The following EYS variants were observed in gnomAD, a reference collection of about 807,000 sequenced individuals.
EYS encodes protein eyes shut homolog.
A neutral mutation model predicts 282.1 loss-of-function variants in EYS; 250 were observed. The observed-to-expected ratio is 0.89, with a 90% CI of 0.80 to 0.98. The LOEUF (loss-of-function observed/expected upper bound fraction) is 0.98. EYS is among the 50% of genes least tolerant of loss of function. The pLI is 0.00. For missense variants in EYS, 4,016 were observed against 3,709.0 expected, an observed-to-expected ratio of 1.08 and a Z score of -2.15; for synonymous variants, 1,355 against 1,282.9, an observed-to-expected ratio of 1.06 and a Z score of -1.20.
chr6:65,037,342 A>C (rs1772800705), intron 13 of EYS, among the ~76,000 whole-genome samples: 1 of 151,752 alleles, frequency 6.6e-6, no homozygotes, highest in Non-Finnish European at 1.5e-5. Flanking sequence ...AAGGATCAAA[A>C]AACTACCTAT....
chr6:65,569,556 T>C (rs1290683435), intron 2 of EYS, among the ~76,000 whole-genome samples: 1 of 152,154 alleles, frequency 6.6e-6, no homozygotes, highest in Non-Finnish European at 1.5e-5. Flanking sequence ...ACCTCCTCAG[T>C]TGTTCCCAGG....
At chr6:63,747,898 A>G (rs1769249339) in intron 41 of EYS, among the ~76,000 whole-genome samples, 1 of 151,866 alleles carries the variant, frequency 6.6e-6, no homozygotes, top group African/African-American at 2.4e-5. Context: ...TTGACTCTTT[A>G]TCCAATTTGC....
At chr6:65,555,237 C>A (rs1240229635) in intron 2 of EYS, among the ~76,000 whole-genome samples, 1 of 152,018 alleles carries the variant, frequency 6.6e-6, no homozygotes, top group Non-Finnish European at 1.5e-5. Flanking sequence ...TAAACTAATT[C>A]ATTCTACTTT....
intron 8 of EYS, among the ~76,000 whole-genome samples, chr6:65,360,944 C>A (rs9453272): frequency 0.044 from 6,754 of 152,094 alleles, 479 homozygotes; most frequent in African/African-American, 0.15. Context: ...GAAATGCAAT[C>A]TTTTCCATAT....
chr6:64,788,589 T>C (rs893164362), intron 22 of EYS, among the ~76,000 whole-genome samples: 1 of 152,162 alleles, frequency 6.6e-6, no homozygotes, highest in Non-Finnish European at 1.5e-5. Context: ...GGGGTCTAAA[T>C]GCTTCTAACA....
At chr6:64,047,236 G>A (rs1770659075) in intron 33 of EYS, among the ~76,000 whole-genome samples, 1 of 151,984 alleles carries the variant, frequency 6.6e-6, no homozygotes, top group African/African-American at 2.4e-5. Flanking sequence ...TTTTGGTGAG[G>A]AGAAGTAATA....
At chr6:65,473,303 T>C (rs1217108914) in intron 5 of EYS, among the ~76,000 whole-genome samples, 1 of 151,886 alleles carries the variant, frequency 6.6e-6, no homozygotes, top group Non-Finnish European at 1.5e-5. Context: ...AGGAAAACTT[T>C]AGGAAAGAGA....
chr6:65,643,699 C>T (rs575137078), intron 1 of EYS, among the ~76,000 whole-genome samples: 6 of 152,236 alleles, frequency 3.9e-5, no homozygotes, highest in Admixed American at 6.5e-5. Context: ...CTATCTCCAC[C>T]AGAGCAGGTT....
At chr6:63,889,117 G>A (rs1004716320) in intron 35 of EYS, among the ~76,000 whole-genome samples, 2 of 152,150 alleles carry the variant, frequency 1.3e-5, no homozygotes, top group Non-Finnish European at 2.9e-5. Context: ...AATAAACAAG[G>A]CCTCCAAGAA....
chr6:63,954,746 C>T (rs1162959032), intron 35 of EYS, among the ~76,000 whole-genome samples: 2 of 152,202 alleles, frequency 1.3e-5, no homozygotes, highest in African/African-American at 2.4e-5. Context: ...TCAATCTCTT[C>T]CCACAGAAAG....
At chr6:64,306,826 A>T in intron 30 of EYS, 144 bp downstream of exon 30, 2 of 595,306 alleles carry the variant, frequency 3.4e-6, no homozygotes, top group Non-Finnish European at 5.9e-6. Flanking sequence ...ACTGTAAAAG[A>T]GTGAAGTAGA....
chr6:64,789,453 A>G (rs2149999215), intron 22 of EYS, among the ~76,000 whole-genome samples: 1 of 152,274 alleles, frequency 6.6e-6, no homozygotes, highest in African/African-American at 2.4e-5. Flanking sequence ...TAATGTACTT[A>G]CAAGTCTATA....
At chr6:65,396,725 T>G (rs1682634692) in intron 7 of EYS, among the ~76,000 whole-genome samples, 1 of 152,094 alleles carries the variant, frequency 6.6e-6, no homozygotes, top group African/African-American at 2.4e-5. Flanking sequence ...TACTCTATTT[T>G]CCTCATACTC....
At chr6:64,777,349 C>G (rs1241314307) in intron 22 of EYS, among the ~76,000 whole-genome samples, 2 of 151,992 alleles carry the variant, frequency 1.3e-5, no homozygotes, top group Non-Finnish European at 2.9e-5. Context: ...TAAATAATGA[C>G]CCTAAATTGG....
chr6:64,939,897 T>C (rs1769032081), intron 15 of EYS, among the ~76,000 whole-genome samples: 1 of 151,952 alleles, frequency 6.6e-6, no homozygotes, highest in Non-Finnish European at 1.5e-5. Context: ...TCACAAAAAC[T>C]AGGCTAACTT....
intron 1 of EYS, among the ~76,000 whole-genome samples, chr6:65,673,339 G>A (rs1213883258): frequency 1.3e-5 from 2 of 151,864 alleles, no homozygotes; most frequent in Non-Finnish European, 2.9e-5. Flanking sequence ...TGTGGTAAGA[G>A]GCAATATTGT....
chr6:65,266,977 CAT>C (rs1308194470), intron 12 of EYS, among the ~76,000 whole-genome samples: 8 of 143,264 alleles, frequency 5.6e-5, no homozygotes, highest in Admixed American at 1.4e-4. Context: ...CATACCTTGA[CAT>C]ATATATATAT....
chr6:65,255,260 A>G (rs753052534), intron 12 of EYS, among the ~76,000 whole-genome samples: 1 of 152,054 alleles, frequency 6.6e-6, no homozygotes, highest in Non-Finnish European at 1.5e-5. Flanking sequence ...AAAGATGCCA[A>G]AAATATACAC....
At chr6:65,217,461 C>G (rs1766344936) in intron 12 of EYS, among the ~76,000 whole-genome samples, 1 of 151,930 alleles carries the variant, frequency 6.6e-6, no homozygotes, top group Non-Finnish European at 1.5e-5. Flanking sequence ...GATGGCCTAG[C>G]ATTCTAAAAA....
Sources: allele counts gnomAD v4.1 joint callset (sites outside exome capture counted in the v4.1 genomes callset), GRCh38; gene constraint gnomAD v4.1.1; transcripts MANE v1.5; gene names NCBI Gene and HGNC (gene_info 2026-07-23, HGNC 2026-07-21).